Variants in DGKZ observed in about 807,000 individuals in gnomAD.
The protein encoded by DGKZ is DAG kinase zeta.
DGKZ carries 45 observed loss-of-function variants against 142.5 expected under a neutral mutation model. That is an observed-to-expected ratio of 0.32 (90% confidence interval 0.25 to 0.40). The LOEUF (loss-of-function observed/expected upper bound fraction) is 0.40, where lower values mean the gene tolerates loss of function less well. DGKZ is among the 10% of genes least tolerant of loss of function. DGKZ has a pLI of 1.00. For synonymous variants in DGKZ, 442 were observed against 527.0 expected, an observed-to-expected ratio of 0.84 and a Z score of 2.21; for missense variants, 755 against 1,306.5, an observed-to-expected ratio of 0.58 and a Z score of 6.51.
chr11:46,351,124 T>TCTC (rs1243123565), intron 1 of DGKZ, among the ~76,000 whole-genome samples: 1 of 151,910 alleles, frequency 6.6e-6, no homozygotes, highest in Non-Finnish European at 1.5e-5. Flanking sequence ...GTGGACTCTC[T>TCTC]CTCCTCCTCC....
chr11:46,372,680 G>A lies in DGKZ; in HGVS notation c.1071+3G>A, dbSNP rs762059846. ...TGGCGTGCGGGGGCGACGGCACGGTGAGCTCCCCGCATGGGCCAGCCGAGC... is the reference window on the plus strand; with the variant it reads ...TGGCGTGCGGGGGCGACGGCACGGTAAGCTCCCCGCATGGGCCAGCCGAGC... On this transcript the variant is annotated splice_donor_region_variant and intron_variant, in intron 12 of 30. Coordinates refer to ENST00000527911, the Ensembl canonical transcript of DGKZ. The surrounding 1 kb of genome is among the most constrained non-coding windows in gnomAD (Gnocchi z 5.9). The A allele has an allele frequency of 1.2e-6, 2 of 1,613,174 alleles. No individual in the cohort carries two copies. The highest frequency in any genetic ancestry group is 3.3e-5 in the Admixed American group (2 of 59,996).
At chr11:46,376,235 G>A (rs537500196) in intron 22 of DGKZ, 90 bp downstream of exon 22, 117 of 1,606,116 alleles carry the variant, frequency 7.3e-5, no homozygotes, top group African/African-American at 7.0e-4. Flanking sequence ...CTCGCCCTGC[G>A]GAGCCTCCTC....
chr11:46,366,483 G>T, intron 1 of DGKZ: 2 of 1,575,708 alleles, frequency 1.3e-6, no homozygotes, highest in Non-Finnish European at 1.7e-6. Flanking sequence ...CGGCGCTCCA[G>T]CACTGTGCCC....
At position 46,367,025 on chromosome 11, in the gene DGKZ, C is replaced by T; in HGVS notation, c.162-266C>T. The T allele has an allele frequency of 1.4e-6, 2 of 1,481,174 alleles. No homozygotes were observed. Among genetic ancestry groups the T allele is most frequent in the Non-Finnish European group, 1.8e-6 (2 of 1,120,972 alleles). The allele number at this position is 1,481,174 out of a possible 1,614,324, so 91.8% of individuals were successfully genotyped here. A position where few individuals can be genotyped will look rare whatever the true frequency, so the allele number is the denominator to read the frequency against. ...GCCAGCAGGGCGAGTGGTGTGACCT[C>T]CTGTGGGTCTGGCCTGGGCATGGGC... On this transcript the variant is annotated intron_variant, in intron 1 of 30. Transcript: ENST00000527911. This position sits in a 1 kb window ranked among gnomAD's most constrained non-coding sequence, Gnocchi z 4.1.
intron 24 of DGKZ, chr11:46,376,845 A>G: frequency 1.6e-6 from 1 of 633,622 alleles, no homozygotes; most frequent in Non-Finnish European, 2.8e-6. Context: ...GAGACACAGA[A>G]GCAAAGGCAT....
At chr11:46,339,115 T>C (rs1940156452) in intron 1 of DGKZ, among the ~76,000 whole-genome samples, 1 of 152,174 alleles carries the variant, frequency 6.6e-6, no homozygotes, top group Admixed American at 6.5e-5. Flanking sequence ...GGGCAGGGAC[T>C]GGGCACCAAC....
upstream of DGKZ, chr11:46,345,362 C>G (rs916392337): frequency 7.1e-7 from 1 of 1,399,168 alleles, no homozygotes; most frequent in Non-Finnish European, 9.2e-7. This position sits in a 1 kb window ranked among gnomAD's most constrained non-coding sequence, Gnocchi z 4.1. Flanking sequence ...CCCCTCGACC[C>G]CACCCCCGTC....
chr11:46,378,719 C>T (rs1367925956), intron 27 of DGKZ: 2 of 840,002 alleles, frequency 2.4e-6, no homozygotes, highest in Non-Finnish European at 3.9e-6. Context: ...GCTCAGTCCA[C>T]CTGTCCCTGG....
chr11:46,376,221 C>A, intron 22 of DGKZ, 76 bp downstream of exon 22: 2 of 1,603,878 alleles, frequency 1.2e-6, no homozygotes, highest in Non-Finnish European at 1.7e-6. Context: ...CCTCCCGCAG[C>A]CAGCTCGCCC....
chr11:46,366,757 C>G lies in DGKZ; in HGVS notation c.162-534C>G, dbSNP rs1432225883. 1.4e-5 allele frequency: 21 copies of G among 1,550,510 alleles called. No individual in the cohort carries two copies. The highest frequency in any genetic ancestry group is 1.8e-5 in the Non-Finnish European group (21 of 1,149,108). ...TGCGCCGAGCCTCCTCCCACCTGCT[C>G]CCCGCGGATGCCGTATATGACCACG... is the stretch of plus-strand genomic sequence containing the variant. On this transcript the variant is annotated intron_variant, in intron 1 of 30. Coordinates refer to ENST00000527911, the Ensembl canonical transcript of DGKZ.
chr11:46,354,253 C>CA (rs1246908768), intron 1 of DGKZ, among the ~76,000 whole-genome samples: 1 of 152,234 alleles, frequency 6.6e-6, no homozygotes, highest in East Asian at 1.9e-4. Flanking sequence ...GTGGCACAAT[C>CA]ATAGCTCACT....
chr11:46,363,074 G>A (rs1344958029), intron 1 of DGKZ, among the ~76,000 whole-genome samples: 3 of 152,188 alleles, frequency 2.0e-5, no homozygotes, highest in South Asian at 4.1e-4. Flanking sequence ...ACCTTTACAC[G>A]TACTGTGTGG....
chr11:46,356,698 T>C (rs1198273051), intron 1 of DGKZ, among the ~76,000 whole-genome samples: 1 of 152,140 alleles, frequency 6.6e-6, no homozygotes, highest in African/African-American at 2.4e-5. Flanking sequence ...GTCGAGGGTA[T>C]GTGCCATGGA....
At chr11:46,335,422 TGCAC>T (rs1018471685) in intron 1 of DGKZ, among the ~76,000 whole-genome samples, 2 of 145,680 alleles carry the variant, frequency 1.4e-5, no homozygotes. Context: ...GTTGCACACG[TGCAC>T]GCACACACAC....
At chr11:46,347,173 G>A (rs1015676248), upstream of DGKZ, among the ~76,000 whole-genome samples, 1 of 152,156 alleles carries the variant, frequency 6.6e-6, no homozygotes, top group East Asian at 1.9e-4. The surrounding 1 kb of genome is among the most constrained non-coding windows in gnomAD (Gnocchi z 6.4). Context: ...GTTTGGTAGC[G>A]GAGGGATCGG....
intron 1 of DGKZ, among the ~76,000 whole-genome samples, chr11:46,355,697 G>A (rs896265480): frequency 6.6e-6 from 1 of 152,140 alleles, no homozygotes; most frequent in African/African-American, 2.4e-5. Flanking sequence ...GGGGGCTGAT[G>A]GGGGAGGGAG....
chr11:46,354,040 GA>G (rs974445458), intron 1 of DGKZ, among the ~76,000 whole-genome samples: 40 of 152,298 alleles, frequency 2.6e-4, no homozygotes, highest in African/African-American at 8.9e-4. Flanking sequence ...ACACCCCACT[GA>G]CACAGCCTGC....
At chr11:46,379,331 T>C (rs1944943761) in intron 29 of DGKZ, 95 bp downstream of exon 29, 1 of 1,584,332 alleles carries the variant, frequency 6.3e-7, no homozygotes, top group Admixed American at 1.7e-5. Context: ...ATAAACTTCC[T>C]GGTCACATCT....
Position 46,372,345 on chromosome 11 carries a change from CCA to C in DGKZ, c.928-80_928-79del, listed in dbSNP as rs748361223. 73 of 1,498,510 alleles carry C rather than the reference CCA, an allele frequency of 4.9e-5. No individual in the cohort carries two copies. The highest frequency in any genetic ancestry group is 6.5e-5 in the Non-Finnish European group (70 of 1,080,476). 92.8% of individuals were successfully genotyped at this position (1,498,510 alleles called of 1,614,324 possible). On this transcript the variant is annotated intron_variant, in intron 10 of 30. Transcript: ENST00000527911. The surrounding 1 kb of genome is among the most constrained non-coding windows in gnomAD (Gnocchi z 5.9). ...CCTCACCCCTTATTGGCCCTGGTTC[CCA>C]CAGTCACACCCCTCTCCCTCTGCTG...
Sources: gnomAD v4.1 joint callset for allele counts (sites outside exome capture counted in the v4.1 genomes callset) on GRCh38, gnomAD v4.1.1 for gene constraint, Gnocchi (gnomAD v3.1) non-coding constraint, MANE v1.5 for transcripts, NCBI Gene and HGNC (gene_info 2026-07-23, HGNC 2026-07-21) for gene names.